EDRF1: variants seen among roughly 807,000 people sequenced by gnomAD.
EDRF1 encodes erythroid differentiation regulatory factor 1, also known as erythroid differentiation-related factor 1.
A neutral mutation model predicts 148.7 loss-of-function variants in EDRF1; 69 were observed. The ratio of observed to expected loss-of-function variants is 0.46; its 90% CI spans 0.38 to 0.57. EDRF1 has a LOEUF of 0.57. EDRF1 is among the 20% of genes least tolerant of loss of function. EDRF1 has a pLI of 0.00. For missense variants in EDRF1, 1,118 were observed against 1,478.7 expected, an observed-to-expected ratio of 0.76 and a Z score of 4.00; for synonymous variants, 515 against 532.8, an observed-to-expected ratio of 0.97 and a Z score of 0.46.
At chr10:125,740,729 T>C in intron 16 of EDRF1, 78 bp downstream of exon 16, 2 of 1,425,886 alleles carry the variant, frequency 1.4e-6, no homozygotes, top group Non-Finnish European at 2.0e-6. Flanking sequence ...ACAGTGGAAG[T>C]TTACTCCTAT....
chr10:125,758,706 A>G (rs1850041875), intron 24 of EDRF1, among the ~76,000 whole-genome samples: 1 of 152,070 alleles, frequency 6.6e-6, no homozygotes, highest in South Asian at 2.1e-4. Flanking sequence ...TGCACCTTAG[A>G]GAGGGTCTGT....
intron 15 of EDRF1, among the ~76,000 whole-genome samples, chr10:125,739,603 G>GA (rs1352653380): frequency 6.6e-6 from 1 of 152,066 alleles, no homozygotes; most frequent in Non-Finnish European, 1.5e-5. Context: ...ATCAGCAGAG[G>GA]AAAAAAATCC....
chr10:125,730,461 C>A, intron 9 of EDRF1, 62 bp downstream of exon 9: 3 of 1,377,302 alleles, frequency 2.2e-6, no homozygotes, highest in Non-Finnish European at 3.1e-6. Flanking sequence ...AGTTCCTCAC[C>A]AAAGTCTTTA....
At chr10:125,752,368 CA>C (rs1328900296) in intron 22 of EDRF1, among the ~76,000 whole-genome samples, 1 of 152,186 alleles carries the variant, frequency 6.6e-6, no homozygotes, top group East Asian at 1.9e-4. Flanking sequence ...TAGAATAAAA[CA>C]AAACCTTGTT....
rs1848846066 is a variant in EDRF1, at chr10:125,738,450, G to A, written c.1981+5G>A. 1 of 1,614,038 alleles carries A rather than the reference G, an allele frequency of 6.2e-7. No individual in the cohort carries two copies. On this transcript the variant is annotated splice_donor_5th_base_variant and intron_variant, in intron 15 of 24. Transcript: ENST00000356792. ...TGGCCTTGTTTTTGGACAAAAGTAA[G>A]TTGAATTGATGTGCAAATAAGGCCT...
intron 12 of EDRF1, 90 bp from the exon 13 acceptor site, chr10:125,735,554 G>C: frequency 2.3e-6 from 3 of 1,299,250 alleles, no homozygotes; most frequent in South Asian, 2.5e-5. Flanking sequence ...CCTGTGTGCA[G>C]ACCTCCTCCT....
At position 125,753,059 on chromosome 10, in the gene EDRF1, G is replaced by A. The variant is rs995695692; in HGVS notation, c.3393+145G>A. 41 of 653,310 alleles carry A rather than the reference G, an allele frequency of 6.3e-5. 1 individual carries two copies. In the Admixed American group the frequency reaches 6.6e-4, roughly 11 times the overall value. 40.5% of individuals were successfully genotyped at this position (653,310 alleles called of 1,614,324 possible). A position where few individuals can be genotyped will look rare whatever the true frequency, so the allele number is the denominator to read the frequency against. Reference sequence around the variant, plus strand: ...CTATGCACTAAAACATTTTAACAGTGATTTGTTATATTTGCCTGGTATTCA... The same window carrying A: ...CTATGCACTAAAACATTTTAACAGTAATTTGTTATATTTGCCTGGTATTCA... On this transcript the variant is annotated intron_variant, in intron 23 of 24. Transcript: ENST00000356792.
At chr10:125,721,490 G>A in intron 2 of EDRF1, 78 bp downstream of exon 2, 2 of 1,314,336 alleles carry the variant, frequency 1.5e-6, no homozygotes, top group South Asian at 1.2e-5. Context: ...AATTCAGTTT[G>A]TAATGCCTAT....
rs1848116851 is a variant in EDRF1, at chr10:125,723,716, T to C, written c.385-95T>C. On this transcript the variant is annotated intron_variant, in intron 3 of 24. Coordinates refer to ENST00000356792, the MANE Select transcript of EDRF1 (RefSeq NM_001202438.2). ...TGTATAACCTTAAGGAAATAAGGTT[T>C]ATTATGCTTTAAAATGAATGAAGCT... 3 of 1,302,806 alleles carry C rather than the reference T, an allele frequency of 2.3e-6. No individual in the cohort carries two copies. In the African/African-American group the frequency reaches 4.5e-5, roughly 19 times the overall value. 80.7% of individuals were successfully genotyped at this position (1,302,806 alleles called of 1,614,324 possible). A position where few individuals can be genotyped will look rare whatever the true frequency, so the allele number is the denominator to read the frequency against.
At chr10:125,725,211 A>G in intron 4 of EDRF1, 107 bp from the exon 5 acceptor site, 1 of 1,325,200 alleles carries the variant, frequency 7.5e-7, no homozygotes, top group Non-Finnish European at 1.1e-6. Flanking sequence ...GTATGTGTTT[A>G]TGAAACTATT....
rs761170508 is a variant in EDRF1, at chr10:125,723,853, G to A, written c.427G>A (p.Val143Met). Residue 143 changes from valine to methionine, a missense_variant, in exon 4 of 25, where the codon GTG becomes ATG. Val to Met is a conservative substitution (Grantham distance 21, BLOSUM62 1). Around this residue, in one of 3 missense-constraint regions of EDRF1, gnomAD observed 99 missense variants for 186.9 expected, o/e 0.53. Transcript: ENST00000356792. ...GAAAATTCCCTACAGCAAGTCGCAC[G>A]TGAGCATGGCAGTACACCGCATAGG... ...LLKIPYSKSH[V>M]SMAVHRIGRT... 11 of 1,613,412 alleles carry A rather than the reference G, an allele frequency of 6.8e-6. No individual in the cohort carries two copies. The highest frequency in any genetic ancestry group is 1.6e-4 in the Middle Eastern group (1 of 6,084).
intron 24 of EDRF1, among the ~76,000 whole-genome samples, chr10:125,757,600 T>C (rs891496196): frequency 1.3e-5 from 2 of 152,250 alleles, no homozygotes; most frequent in Non-Finnish European, 2.9e-5. Context: ...GAAAAACTTT[T>C]AGCATTTAGC....
intron 17 of EDRF1, 169 bp downstream of exon 17, chr10:125,741,370 T>A (rs758544011): frequency 4.3e-5 from 31 of 719,820 alleles, no homozygotes; most frequent in Admixed American, 1.9e-4. Flanking sequence ...CAAGCTGGAG[T>A]GCAATGGTGC....
chr10:125,721,430 G>GC lies in EDRF1; in HGVS notation c.317+19dup. ...TTTTCAAGGTAAATATTAATCAGTG[G>GC]CATTTTTACCTGCCCCTCCACCCTC... On this transcript the variant is annotated intron_variant, in intron 2 of 24. Coordinates refer to ENST00000356792, the MANE Select transcript of EDRF1 (RefSeq NM_001202438.2). 1 of 1,611,316 alleles carries GC rather than the reference G, an allele frequency of 6.2e-7. No homozygotes were observed. Among genetic ancestry groups the GC allele is most frequent in the Non-Finnish European group, 8.5e-7 (1 of 1,177,876 alleles).
Position 125,725,784 on chromosome 10 carries a change from TGCTCCCTTCG to T in EDRF1, c.739_748del (p.Ala247LysfsTer25). ...ATGATTCGGAAGGGGCTTCATGGCC[TGCTCCCTTCG>T]AAATGCCTTCTTCAGTTTCTGAAGA... On this transcript the variant is annotated frameshift_variant, in exon 6 of 25. Coordinates refer to ENST00000356792, the MANE Select transcript of EDRF1 (RefSeq NM_001202438.2). LOFTEE classifies it high-confidence loss of function. 6.2e-7 allele frequency: 1 copy of T among 1,614,112 alleles called. No individual in the cohort carries two copies. Among genetic ancestry groups the T allele is most frequent in the South Asian group, 1.1e-5 (1 of 91,078 alleles).
At chr10:125,755,510 A>G (rs1053016965) in intron 24 of EDRF1, among the ~76,000 whole-genome samples, 1 of 152,216 alleles carries the variant, frequency 6.6e-6, no homozygotes, top group Non-Finnish European at 1.5e-5. Flanking sequence ...CTGGCCTCAT[A>G]AAGTCTGTGG....
At chr10:125,743,422 A>G in intron 18 of EDRF1, 146 bp downstream of exon 18, 4 of 692,502 alleles carry the variant, frequency 5.8e-6, no homozygotes, top group South Asian at 5.0e-5. Context: ...TTCTTAAGAA[A>G]TAGAATTAGG....
Position 125,763,461 on chromosome 10 carries a change from G to A in EDRF1, c.3706G>A (p.Ala1236Thr). 1 of 1,607,210 alleles carries A rather than the reference G, an allele frequency of 6.2e-7. No individual in the cohort carries two copies. The highest frequency in any genetic ancestry group is 1.1e-5 in the South Asian group (1 of 91,082). ...LAAGSAASSN[A>T]VQ ...CGCCGGCAGTGCAGCGAGCAGCAAT[G>A]CCGTTCAGTGACTGCACAGAGCCGT... Residue 1236 changes from alanine to threonine, a missense_variant, in exon 25 of 25, where the codon GCC becomes ACC. By Grantham distance (58) the Ala-to-Thr change is moderately conservative (BLOSUM62 0). Coordinates refer to ENST00000356792, the MANE Select transcript of EDRF1 (RefSeq NM_001202438.2). The surrounding 1 kb of genome is among the most constrained non-coding windows in gnomAD (Gnocchi z 4.3).
intron 23 of EDRF1, among the ~76,000 whole-genome samples, chr10:125,753,293 A>G (rs1054206739): frequency 6.6e-5 from 10 of 152,320 alleles, no homozygotes; most frequent in African/African-American, 2.4e-4. Flanking sequence ...GAATGGGCCT[A>G]AGCAGGCTCC....
Sources: allele counts gnomAD v4.1 joint callset (sites outside exome capture counted in the v4.1 genomes callset), GRCh38; gene constraint gnomAD v4.1.1; regional missense constraint gnomAD v4.1.1; non-coding constraint Gnocchi (gnomAD v3.1); transcripts MANE v1.5; gene names NCBI Gene and HGNC (gene_info 2026-07-23, HGNC 2026-07-21).